ASIC2: variants seen among roughly 807,000 people sequenced by gnomAD.
ASIC2 encodes acid sensing ion channel subunit 2, also known as acid-sensing ion channel 2.
ASIC2 carries 25 observed loss-of-function variants against 57.3 expected under a neutral mutation model. That is an observed-to-expected ratio of 0.44 (90% CI 0.32 to 0.61). ASIC2 has a LOEUF of 0.61. ASIC2 is among the 20% of genes least tolerant of loss of function. The pLI is 0.06. For synonymous variants in ASIC2, 319 were observed against 307.5 expected, an observed-to-expected ratio of 1.04 and a Z score of -0.39; for missense variants, 641 against 738.1, an observed-to-expected ratio of 0.87 and a Z score of 1.52.
At chr17:33,917,963 G>GCA (rs35792828) in intron 1 of ASIC2, among the ~76,000 whole-genome samples, 4,186 of 138,436 alleles carry the variant, frequency 0.03, 169 homozygotes, top group African/African-American at 0.083. Flanking sequence ...ACGTGCATGT[G>GCA]CACACACACA....
At chr17:33,821,444 C>T (rs1053540200) in intron 1 of ASIC2, among the ~76,000 whole-genome samples, 21 of 152,206 alleles carry the variant, frequency 1.4e-4, no homozygotes, top group Admixed American at 6.5e-5. Flanking sequence ...AGGCTTGGCG[C>T]ATTTTGATCT....
At chr17:33,640,948 C>T (rs375784579) in intron 1 of ASIC2, among the ~76,000 whole-genome samples, 16 of 152,288 alleles carry the variant, frequency 1.1e-4, no homozygotes, top group African/African-American at 3.4e-4. Context: ...ACTTGAGTCC[C>T]TACCTTGGAA....
intron 1 of ASIC2, chr17:34,070,802 C>T (rs1484508506): frequency 6.6e-6 from 1 of 152,326 alleles, no homozygotes; most frequent in Non-Finnish European, 1.5e-5. Context: ...TCCCTGCATA[C>T]TCCATGATAC....
chr17:33,371,971 G>A (rs1909083113), intron 1 of ASIC2, among the ~76,000 whole-genome samples: 1 of 152,122 alleles, frequency 6.6e-6, no homozygotes, highest in Non-Finnish European at 1.5e-5. Context: ...CCCAGGTGGA[G>A]GTGAGCTGGG....
At chr17:33,973,900 C>T (rs1337999078) in intron 1 of ASIC2, among the ~76,000 whole-genome samples, 2 of 152,116 alleles carry the variant, frequency 1.3e-5, no homozygotes, top group Non-Finnish European at 1.5e-5. Flanking sequence ...AGTCCCACTC[C>T]CCTTACCCCA....
At chr17:33,890,363 C>A (rs892013420) in intron 1 of ASIC2, among the ~76,000 whole-genome samples, 18 of 152,370 alleles carry the variant, frequency 1.2e-4, no homozygotes, top group Admixed American at 9.8e-4. Context: ...GGGTCATTTG[C>A]ATTTCCTCAA....
intron 1 of ASIC2, among the ~76,000 whole-genome samples, chr17:33,531,375 G>A (rs1246470973): frequency 6.6e-6 from 1 of 152,174 alleles, no homozygotes; most frequent in Non-Finnish European, 1.5e-5. Context: ...GACATCTTGA[G>A]CAGACCAAGC....
chr17:34,113,632 C>T (rs1016933560), intron 1 of ASIC2, among the ~76,000 whole-genome samples: 4 of 151,508 alleles, frequency 2.6e-5, no homozygotes, highest in Admixed American at 2.6e-4. Flanking sequence ...AATCTCAACA[C>T]TTTAGGCGGC....
At chr17:33,567,147 G>A (rs1243447299) in intron 1 of ASIC2, among the ~76,000 whole-genome samples, 1 of 151,962 alleles carries the variant, frequency 6.6e-6, no homozygotes, top group Non-Finnish European at 1.5e-5. Flanking sequence ...TGGCAGGATT[G>A]GGGTGGCTGT....
chr17:33,724,953 C>T (rs889903059), intron 1 of ASIC2, among the ~76,000 whole-genome samples: 5 of 152,320 alleles, frequency 3.3e-5, no homozygotes, highest in Non-Finnish European at 7.3e-5. Context: ...TAAGGGCCCT[C>T]GCTAGAAGTT....
chr17:33,338,131 G>A (rs1907591026), intron 1 of ASIC2, among the ~76,000 whole-genome samples: 2 of 151,454 alleles, frequency 1.3e-5, no homozygotes, highest in African/African-American at 4.9e-5. Flanking sequence ...TGGCAAGGAG[G>A]CTGTAAATGT....
chr17:33,656,055 T>C (rs1876723936), intron 1 of ASIC2, among the ~76,000 whole-genome samples: 1 of 152,088 alleles, frequency 6.6e-6, no homozygotes, highest in Non-Finnish European at 1.5e-5. Context: ...ATCTGTAACA[T>C]TTACCCCAGA....
chr17:33,212,563 G>A (rs407502), intron 1 of ASIC2, among the ~76,000 whole-genome samples: 92,663 of 152,068 alleles, frequency 0.61, 29,515 homozygotes, highest in Non-Finnish European at 0.72. Flanking sequence ...CACTAAACTC[G>A]TGACAGCAGC....
intron 1 of ASIC2, among the ~76,000 whole-genome samples, chr17:34,089,337 T>A (rs1910239853): frequency 6.6e-6 from 1 of 151,230 alleles, no homozygotes; most frequent in South Asian, 2.1e-4. Flanking sequence ...CAAATGGTGA[T>A]CAAAAATGCA....
chr17:33,136,024 C>T (rs2092365630), intron 1 of ASIC2, among the ~76,000 whole-genome samples: 1 of 152,128 alleles, frequency 6.6e-6, no homozygotes, highest in Non-Finnish European at 1.5e-5. Context: ...TCTCTGGATC[C>T]CATCCAAGAG....
At chr17:33,467,023 A>C (rs767697901) in intron 1 of ASIC2, among the ~76,000 whole-genome samples, 3 of 152,244 alleles carry the variant, frequency 2.0e-5, no homozygotes, top group Admixed American at 6.5e-5. Context: ...GTGCTTCTGC[A>C]CGGCAAAAGA....
chr17:33,079,671 GA>G (rs1449191366), intron 3 of ASIC2, among the ~76,000 whole-genome samples: 2 of 152,164 alleles, frequency 1.3e-5, no homozygotes, highest in Admixed American at 6.5e-5. Context: ...TTATCTGGGT[GA>G]AAAAAACATA....
At chr17:33,225,085 G>T (rs1319694544) in intron 1 of ASIC2, among the ~76,000 whole-genome samples, 1 of 152,176 alleles carries the variant, frequency 6.6e-6, no homozygotes, top group East Asian at 1.9e-4. Context: ...GTATGAACAG[G>T]TCAGCCTTTT....
At chr17:33,115,597 G>A (rs528581982) in intron 1 of ASIC2, among the ~76,000 whole-genome samples, 14 of 152,274 alleles carry the variant, frequency 9.2e-5, no homozygotes, top group African/African-American at 3.4e-4. Context: ...TGCCTGGCCA[G>A]CTCCTCCTGA....
Sources: allele counts gnomAD v4.1 joint callset (sites outside exome capture counted in the v4.1 genomes callset), GRCh38; gene constraint gnomAD v4.1.1; transcripts MANE v1.5; gene names NCBI Gene and HGNC (gene_info 2026-07-23, HGNC 2026-07-21).